Variants in AP1M1 observed in about 807,000 individuals in gnomAD.
The protein encoded by AP1M1 is adaptor related protein complex 1 subunit mu 1.
Under a neutral mutation model 57.1 loss-of-function variants are expected in AP1M1, and 18 were observed. The observed-to-expected ratio is 0.32, with a 90% CI of 0.22 to 0.47. The LOEUF (loss-of-function observed/expected upper bound fraction) is 0.47, where lower values mean the gene tolerates loss of function less well. Ranked by LOEUF, AP1M1 falls within the 20% of genes least tolerant of loss-of-function variation. AP1M1 has a pLI of 1.00. For synonymous variants in AP1M1, 241 were observed against 237.9 expected (o/e 1.01, Z -0.12); for missense variants, 362 against 593.5 (o/e 0.61, Z 4.05).
chr19:16,201,718 G>T (rs1282536517), intron 1 of AP1M1, among the ~76,000 whole-genome samples: 2 of 152,136 alleles, frequency 1.3e-5, no homozygotes, highest in South Asian at 4.1e-4. Flanking sequence ...CCTAGAGGAG[G>T]TGTTATTTGA....
intron 1 of AP1M1, among the ~76,000 whole-genome samples, chr19:16,202,010 CCT>C (rs113880184): frequency 1.0e-3 from 155 of 152,166 alleles, no homozygotes; most frequent in African/African-American, 3.7e-3. Flanking sequence ...TAGGAAGAGC[CCT>C]GTCACCCTTT....
chr19:16,198,520 C>G (rs1330025343), intron 1 of AP1M1, among the ~76,000 whole-genome samples: 1 of 152,152 alleles, frequency 6.6e-6, no homozygotes, highest in Non-Finnish European at 1.5e-5. Context: ...TTCTGTTTAT[C>G]GTGCACTTTC....
At chr19:16,223,876 G>A (rs186255176) in intron 5 of AP1M1, among the ~76,000 whole-genome samples, 19 of 152,338 alleles carry the variant, frequency 1.2e-4, no homozygotes, top group South Asian at 4.2e-4. Flanking sequence ...CTCACCAGCC[G>A]CTTGCTTTCT....
At chr19:16,221,754 A>G (rs905567783) in intron 5 of AP1M1, among the ~76,000 whole-genome samples, 10 of 152,246 alleles carry the variant, frequency 6.6e-5, no homozygotes, top group African/African-American at 9.6e-5. Flanking sequence ...TGAGAAGGGA[A>G]ACTTTGAAGA....
intron 4 of AP1M1, 157 bp downstream of exon 4, chr19:16,208,306 A>T (rs1478504808): frequency 5.1e-6 from 4 of 787,046 alleles, no homozygotes; most frequent in Non-Finnish European, 7.7e-6. Flanking sequence ...AGTTGCTCTT[A>T]GTGGTTTTAA....
At chr19:16,231,434 T>A (rs1599467174) in intron 9 of AP1M1, among the ~76,000 whole-genome samples, 1 of 151,340 alleles carries the variant, frequency 6.6e-6, no homozygotes. Flanking sequence ...TGAGATGAAG[T>A]CTCACTCTGT....
intron 9 of AP1M1, among the ~76,000 whole-genome samples, chr19:16,230,257 C>G (rs549629302): frequency 6.6e-6 from 1 of 152,150 alleles, no homozygotes; most frequent in Admixed American, 6.5e-5. Context: ...GGCAACCCTG[C>G]GTTGAGCAAG....
intron 5 of AP1M1, among the ~76,000 whole-genome samples, chr19:16,216,469 TG>T (rs1203725971): frequency 1.3e-5 from 2 of 152,020 alleles, no homozygotes; most frequent in African/African-American, 4.8e-5. Flanking sequence ...GAACTCTTGC[TG>T]GAGAACTACT....
chr19:16,203,260 CACACTGGGAGATGCTCTTCT>C lies in AP1M1; in HGVS notation c.43-198_43-179del, dbSNP rs2091456006. On this transcript the variant is annotated intron_variant, in intron 1 of 11. Coordinates refer to ENST00000291439, the MANE Select transcript of AP1M1 (RefSeq NM_032493.4). The surrounding 1 kb of genome is among the most constrained non-coding windows in gnomAD (Gnocchi z 4.6). ...AACTGCAGTGGCCCCTGTGGGCATTCACACTGGGAGATGCTCTTCTCCAGGAATTCCCTGGGGGATGGAGA... is the reference window on the plus strand; with the variant it reads ...AACTGCAGTGGCCCCTGTGGGCATTCCCAGGAATTCCCTGGGGGATGGAGA... Among the ~76,000 whole-genome samples the C allele has an allele frequency of 1.3e-5, 2 of 152,214 alleles. No homozygotes were observed. The highest frequency in any genetic ancestry group is 4.8e-5 in the African/African-American group (2 of 41,458).
In AP1M1 at chr19:16,236,682, A is replaced by T. The variant is rs1036796200; in HGVS notation, c.*2247A>T. On this transcript the variant is annotated 3_prime_UTR_variant, in exon 12 of 12. Coordinates refer to ENST00000291439, the MANE Select transcript of AP1M1 (RefSeq NM_032493.4). Reference sequence around the variant, plus strand: ...TCTGCCTGAGATCCACAGGAGAAAAAGTCACCACTCATTTAGACCCCACGC... The same window carrying T: ...TCTGCCTGAGATCCACAGGAGAAAATGTCACCACTCATTTAGACCCCACGC... 9 of 152,228 alleles carry T rather than the reference A, an allele frequency of 5.9e-5. No homozygotes were observed. Among genetic ancestry groups the T allele is most frequent in the Non-Finnish European group, 1.3e-4 (9 of 68,050 alleles). The allele number at this position is 152,228 out of a possible 1,614,324, so 9.4% of individuals were successfully genotyped here. A position where few individuals can be genotyped will look rare whatever the true frequency, so the allele number is the denominator to read the frequency against.
In AP1M1 at chr19:16,206,882, C is replaced by T. The variant is rs911406975; in HGVS notation, c.267+474C>T. 2.0e-5 allele frequency among the ~76,000 whole-genome samples: 3 copies of T among 152,094 alleles called. No individual in the cohort carries two copies. The highest frequency in any genetic ancestry group is 7.2e-5 in the African/African-American group (3 of 41,430). On this transcript the variant is annotated intron_variant, in intron 3 of 11. Transcript: ENST00000291439. This position sits in a 1 kb window ranked among gnomAD's most constrained non-coding sequence, Gnocchi z 4.3. ...ACAGATAGCAGCCAGGGTGAAGGCG[C>T]CAGGACAGGTGTATGTGTGGTGCAG... is the stretch of plus-strand genomic sequence containing the variant.
chr19:16,214,002 A>G (rs914237975), intron 5 of AP1M1, among the ~76,000 whole-genome samples: 7 of 149,920 alleles, frequency 4.7e-5, no homozygotes, highest in Non-Finnish European at 1.0e-4. Flanking sequence ...TTGTCTGTGT[A>G]CTTAAATGTG....
In AP1M1 at chr19:16,243,430, A is replaced by C; in HGVS notation, c.*8995A>C. ...ATTACAGGTGAGCACCACCAAGCTC[A>C]GCTATTTTTTTTTTTTTTTTGTATT... On this transcript the variant is annotated 3_prime_UTR_variant, in exon 12 of 12. Coordinates refer to ENST00000291439, the MANE Select transcript of AP1M1 (RefSeq NM_032493.4). 1 of 81,584 alleles carries C rather than the reference A, an allele frequency of 1.2e-5. No individual in the cohort carries two copies. The highest frequency in any genetic ancestry group is 2.7e-5 in the Non-Finnish European group (1 of 36,536). The allele number at this position is 81,584 out of a possible 1,614,324, so 5.1% of individuals were successfully genotyped here. A position where few individuals can be genotyped will look rare whatever the true frequency, so the allele number is the denominator to read the frequency against.
At chr19:16,222,451 G>A (rs1383214779) in intron 5 of AP1M1, among the ~76,000 whole-genome samples, 2 of 151,460 alleles carry the variant, frequency 1.3e-5, no homozygotes, top group East Asian at 3.9e-4. Context: ...TGGGGCAAGT[G>A]ATCTTCCCAC....
At chr19:16,229,072 G>A in intron 9 of AP1M1, 144 bp downstream of exon 9, 1 of 955,718 alleles carries the variant, frequency 1.0e-6, no homozygotes, top group Non-Finnish European at 1.6e-6. Context: ...AAGGGTGGAC[G>A]GAGAGCTGAG....
At chr19:16,222,933 A>G (rs1568353309) in intron 5 of AP1M1, among the ~76,000 whole-genome samples, 1 of 152,214 alleles carries the variant, frequency 6.6e-6, no homozygotes, top group Non-Finnish European at 1.5e-5. Context: ...ATAGCTGTTT[A>G]AAGTCTTCAT....
rs981378795 is a variant in AP1M1 at position 16,245,698 on chromosome 19, T to C, written c.*11263T>C. On this transcript the variant is annotated 3_prime_UTR_variant, in exon 12 of 12. Transcript: ENST00000291439. ...GCATTAAGTCCCTTTACATTTAATG[T>C]AATAACTGATATTACATTTAAGTAT... The C allele has an allele frequency of 2.6e-5, 4 of 152,196 alleles. No homozygotes were observed. Among genetic ancestry groups the C allele is most frequent in the Non-Finnish European group, 4.4e-5 (3 of 68,036 alleles). 9.4% of individuals were successfully genotyped at this position (152,196 alleles called of 1,614,324 possible). A position where few individuals can be genotyped will look rare whatever the true frequency, so the allele number is the denominator to read the frequency against.
In AP1M1 at chr19:16,207,388, C is replaced by T. The variant is rs769381206; in HGVS notation, c.268-631C>T. ...ACAGGCAGGGCTGGGCCTGGCTGTG[C>T]TGCCTGTGGTTTCCAAGCAGAGGCC... is the stretch of plus-strand genomic sequence containing the variant. On this transcript the variant is annotated intron_variant, in intron 3 of 11. Coordinates refer to ENST00000291439, the MANE Select transcript of AP1M1 (RefSeq NM_032493.4). This position sits in a 1 kb window ranked among gnomAD's most constrained non-coding sequence, Gnocchi z 4.2. 6.6e-6 allele frequency among the ~76,000 whole-genome samples: 1 copy of T among 151,988 alleles called. No homozygotes were observed. The highest frequency in any genetic ancestry group is 1.5e-5 in the Non-Finnish European group (1 of 67,972).
rs997387577 is a variant in AP1M1 at position 16,226,436 on chromosome 19, A to C, written c.562A>C (p.Asn188His). Residue 188 changes from asparagine (N) to histidine (H), a missense_variant, in exon 6 of 12, where the codon AAT becomes CAT. Around this residue, in one of 2 missense-constraint regions of AP1M1, gnomAD observed 337 missense variants for 511.1 expected, o/e 0.66. Coordinates refer to ENST00000291439, the MANE Select transcript of AP1M1 (RefSeq NM_032493.4). ...SVNLLVSANGNVLRSEIVGSI... is the reference protein window; with the variant it reads ...SVNLLVSANGHVLRSEIVGSI... Reference sequence around the variant, plus strand: ...CCACCCCCAGGTCAGCGCCAACGGCAATGTCCTGCGCAGCGAGATCGTGGG... The same window carrying C: ...CCACCCCCAGGTCAGCGCCAACGGCCATGTCCTGCGCAGCGAGATCGTGGG... 9 of 1,551,780 alleles carry C rather than the reference A, an allele frequency of 5.8e-6. No homozygotes were observed. Among genetic ancestry groups the C allele is most frequent in the Non-Finnish European group, 6.1e-6 (7 of 1,148,280 alleles).
Sources: allele counts gnomAD v4.1 joint callset (sites outside exome capture counted in the v4.1 genomes callset), GRCh38; gene constraint gnomAD v4.1.1; regional missense constraint gnomAD v4.1.1; non-coding constraint Gnocchi (gnomAD v3.1); transcripts MANE v1.5; gene names NCBI Gene and HGNC (gene_info 2026-07-23, HGNC 2026-07-21).